Variants in ALK observed in about 807,000 individuals in gnomAD.
ALK encodes ALK receptor tyrosine kinase.
Under a neutral mutation model 163.1 loss-of-function variants are expected in ALK, and 74 were observed. That is an observed-to-expected ratio of 0.45 (90% confidence interval 0.38 to 0.55). ALK has a LOEUF of 0.55. Ranked by LOEUF, ALK falls within the 20% of genes least tolerant of loss-of-function variation. The pLI is 0.00. For missense variants in ALK, 2,063 were observed against 2,105.3 expected (o/e 0.98, Z 0.39); for synonymous variants, 960 against 843.2 (o/e 1.14, Z -2.40).
At chr2:29,655,450 G>T (rs762390109) in intron 3 of ALK, among the ~76,000 whole-genome samples, 2 of 152,164 alleles carry the variant, frequency 1.3e-5, no homozygotes, top group Non-Finnish European at 2.9e-5. Context: ...AAAAAATGCT[G>T]AAGATAGTAT....
chr2:29,534,884 A>T (rs1673212084), intron 3 of ALK, among the ~76,000 whole-genome samples: 1 of 152,126 alleles, frequency 6.6e-6, no homozygotes, highest in Admixed American at 6.5e-5. Context: ...ATGTGAGATG[A>T]TGTTTATATG....
chr2:29,532,848 G>A (rs1673156258), intron 3 of ALK, among the ~76,000 whole-genome samples: 1 of 152,212 alleles, frequency 6.6e-6, no homozygotes, highest in Non-Finnish European at 1.5e-5. Context: ...TGGGCCATTA[G>A]ATGCTGCTCC....
At chr2:29,672,143 C>A (rs2148271213) in intron 3 of ALK, among the ~76,000 whole-genome samples, 1 of 147,882 alleles carries the variant, frequency 6.8e-6, no homozygotes, top group East Asian at 2.0e-4. Flanking sequence ...TGCATACCTT[C>A]TGCAGGAAAT....
chr2:29,802,156 T>C (rs1664483084), intron 1 of ALK, among the ~76,000 whole-genome samples: 1 of 151,964 alleles, frequency 6.6e-6, no homozygotes, highest in South Asian at 2.1e-4. Flanking sequence ...AACCCATGCA[T>C]GTCTCCCAAA....
intron 3 of ALK, among the ~76,000 whole-genome samples, chr2:29,681,792 A>C: frequency 7.4e-6 from 1 of 134,694 alleles, no homozygotes; most frequent in Admixed American, 8.3e-5. Context: ...TCTTTATTTC[A>C]CTCCATCTAG....
chr2:29,449,243 T>C (rs1401518362), intron 4 of ALK, among the ~76,000 whole-genome samples: 1 of 152,202 alleles, frequency 6.6e-6, no homozygotes, highest in African/African-American at 2.4e-5. Flanking sequence ...CAATATAGTA[T>C]GGTACCGGAC....
intron 5 of ALK, among the ~76,000 whole-genome samples, chr2:29,374,568 T>A (rs1443459499): frequency 6.6e-6 from 1 of 152,148 alleles, no homozygotes; most frequent in Non-Finnish European, 1.5e-5. Flanking sequence ...CTAAAATAGA[T>A]ATACATGGAA....
intron 18 of ALK, among the ~76,000 whole-genome samples, chr2:29,226,323 T>A (rs549212214): frequency 2.0e-5 from 3 of 151,332 alleles, no homozygotes; most frequent in Non-Finnish European, 4.4e-5. Flanking sequence ...ACTGAAAATA[T>A]GAAAATTAGC....
At chr2:29,223,250 C>T (rs973155870) in intron 20 of ALK, 92 bp downstream of exon 20, 2 of 1,443,514 alleles carry the variant, frequency 1.4e-6, no homozygotes, top group African/African-American at 2.8e-5. Context: ...GCTCTGCCGG[C>T]CTTTTGTGGC....
At chr2:29,746,811 T>G (rs17008598) in intron 1 of ALK, among the ~76,000 whole-genome samples, 2,375 of 152,302 alleles carry the variant, frequency 0.016, 63 homozygotes, top group African/African-American at 0.055. Context: ...TTGAACCATA[T>G]GCCTAGTGTC....
chr2:29,734,858 T>C (rs1406601342), intron 1 of ALK, among the ~76,000 whole-genome samples: 1 of 152,114 alleles, frequency 6.6e-6, no homozygotes, highest in Non-Finnish European at 1.5e-5. Context: ...CAATTTAAAA[T>C]ATATTTTAAA....
intron 4 of ALK, among the ~76,000 whole-genome samples, chr2:29,511,094 G>A (rs1177538851): frequency 6.6e-6 from 1 of 151,698 alleles, no homozygotes; most frequent in Non-Finnish European, 1.5e-5. Context: ...TTTTTTCTAG[G>A]TATTTTTACA....
At chr2:29,205,035 C>T (rs1373914895) in intron 26 of ALK, among the ~76,000 whole-genome samples, 7 of 152,212 alleles carry the variant, frequency 4.6e-5, no homozygotes, top group African/African-American at 1.7e-4. Flanking sequence ...CCCACACAGG[C>T]TTCAGGGTAG....
intron 2 of ALK, among the ~76,000 whole-genome samples, chr2:29,707,347 C>T (rs187765969): frequency 3.3e-5 from 5 of 152,118 alleles, no homozygotes; most frequent in African/African-American, 9.6e-5. Flanking sequence ...CCAGACTGCC[C>T]GAGCACAGAC....
At chr2:29,329,239 A>G (rs73920781) in intron 5 of ALK, among the ~76,000 whole-genome samples, 8,719 of 152,320 alleles carry the variant, frequency 0.057, 308 homozygotes, top group Middle Eastern at 0.078. Flanking sequence ...TGGATTAAGA[A>G]CAATGCATTT....
intron 4 of ALK, among the ~76,000 whole-genome samples, chr2:29,462,349 C>A (rs1315767262): frequency 6.6e-6 from 1 of 152,086 alleles, no homozygotes; most frequent in Non-Finnish European, 1.5e-5. Context: ...ACAACACATG[C>A]TACAGAAAAC....
At chr2:29,759,087 G>A (rs781653900) in intron 1 of ALK, among the ~76,000 whole-genome samples, 1 of 152,092 alleles carries the variant, frequency 6.6e-6, no homozygotes, top group Non-Finnish European at 1.5e-5. Context: ...TTTTCTGTGT[G>A]TGTAAGCTGT....
intron 1 of ALK, among the ~76,000 whole-genome samples, chr2:29,916,508 C>T (rs1479938335): frequency 6.6e-6 from 1 of 152,240 alleles, no homozygotes; most frequent in Non-Finnish European, 1.5e-5. Flanking sequence ...GATATCCCTT[C>T]TGGGAGCTCC....
intron 4 of ALK, among the ~76,000 whole-genome samples, chr2:29,406,253 A>G (rs1383646031): frequency 2.6e-5 from 4 of 152,224 alleles, no homozygotes; most frequent in African/African-American, 7.2e-5. Context: ...GAAGGAATGC[A>G]TCATTCCACC....
Sources: gnomAD v4.1 joint callset for allele counts (sites outside exome capture counted in the v4.1 genomes callset) on GRCh38, gnomAD v4.1.1 for gene constraint, MANE v1.5 for transcripts, NCBI Gene and HGNC (gene_info 2026-07-23, HGNC 2026-07-21) for gene names.